KMT2C: variants seen among roughly 807,000 people sequenced by gnomAD.
The protein encoded by KMT2C is lysine methyltransferase 2C.
A neutral mutation model predicts 507.9 loss-of-function variants in KMT2C; 88 were observed. The ratio of observed to expected loss-of-function variants is 0.17; its 90% CI spans 0.15 to 0.21. KMT2C has a LOEUF of 0.21. Among genes scored for constraint, KMT2C ranks in the 10% least tolerant of loss-of-function variants. The probability of loss-of-function intolerance (pLI) is 1.00; values close to 1 mark genes in which losing one functional copy is unlikely to be tolerated. For synonymous variants in KMT2C, 2,049 were observed against 2,080.8 expected (o/e 0.98, Z 0.42); for missense variants, 4,954 against 5,957.8 (o/e 0.83, Z 5.55).
In KMT2C at chr7:152,199,375, G is replaced by A. The variant is rs780537762; in HGVS notation, c.4177C>T (p.Leu1393Phe). 5 of 1,604,450 alleles carry A rather than the reference G, an allele frequency of 3.1e-6. No homozygotes were observed. The African/African-American group carries it at 5.4e-5, about 17-fold the overall frequency. Reference sequence around the variant, plus strand: ...GTGTTCATGTTTGTTTTATATAAAAGCTGAGCTCCATCTTCTGACAGATTA... The same window carrying A: ...GTGTTCATGTTTGTTTTATATAAAAACTGAGCTCCATCTTCTGACAGATTA... ...LDNLSEDGAQ[L>F]LYKTNMNTGF... The change falls in exon 27 of 59, where the codon CTT (leucine) becomes TTT (phenylalanine). Residue 1393 changes from leucine (L) to phenylalanine (F), a missense_variant. Leu to Phe is a conservative substitution (Grantham distance 22, BLOSUM62 0). This residue lies in a region of KMT2C where 140 missense variants were observed against 118.4 expected (regional missense o/e 1.18). Transcript: ENST00000262189.
intron 2 of KMT2C, among the ~76,000 whole-genome samples, chr7:152,350,221 G>A (rs939870926): frequency 6.6e-6 from 1 of 152,140 alleles, no homozygotes. Flanking sequence ...TTGCACTCCA[G>A]CTTGGGCAAG....
intron 24 of KMT2C, 119 bp from the exon 25 acceptor site, chr7:152,205,344 T>A: frequency 2.0e-6 from 1 of 498,298 alleles, no homozygotes; most frequent in Non-Finnish European, 3.1e-6. Context: ...AAATCTGTGC[T>A]AATCTAAATC....
chr7:152,376,165 CA>C (rs2097327558), intron 1 of KMT2C, among the ~76,000 whole-genome samples: 1 of 152,190 alleles, frequency 6.6e-6, no homozygotes, highest in African/African-American at 2.4e-5. Flanking sequence ...AGATGGCTAA[CA>C]TATAATGTGT....
intron 6 of KMT2C, among the ~76,000 whole-genome samples, chr7:152,294,228 G>C (rs911412102): frequency 8.5e-5 from 13 of 152,056 alleles, no homozygotes; most frequent in African/African-American, 1.9e-4. Context: ...TAAATATCTA[G>C]GATTATCTTG....
chr7:152,152,567 A>G, intron 49 of KMT2C, 138 bp downstream of exon 49: 1 of 1,033,708 alleles, frequency 9.7e-7, no homozygotes, highest in African/African-American at 1.6e-5. Context: ...CAGAACACCC[A>G]CACATGGTAA....
At chr7:152,340,223 A>C (rs888757853) in intron 2 of KMT2C, among the ~76,000 whole-genome samples, 1 of 148,978 alleles carries the variant, frequency 6.7e-6, no homozygotes, top group African/African-American at 2.5e-5. Flanking sequence ...CCTGGGCTCC[A>C]GTTATCCTCC....
chr7:152,251,806 G>T, intron 11 of KMT2C, 133 bp downstream of exon 11: 1 of 525,246 alleles, frequency 1.9e-6, no homozygotes, highest in Non-Finnish European at 3.2e-6. Flanking sequence ...ACATTTAAAG[G>T]TTGAGAAACT....
At chr7:152,184,656 C>T (rs1025091004) in intron 34 of KMT2C, among the ~76,000 whole-genome samples, 1 of 152,224 alleles carries the variant, frequency 6.6e-6, no homozygotes, top group Non-Finnish European at 1.5e-5. Context: ...CCTCTGTATC[C>T]ATGGGGTATT....
At position 152,177,285 on chromosome 7, in the gene KMT2C, T is replaced by C. The variant is rs770301493; in HGVS notation, c.8168A>G (p.Asp2723Gly). Reference protein sequence around the residue: ...DDEDLENLNLDTEDGKVVELD... With the variant: ...DDEDLENLNLGTEDGKVVELD... ...TTCAACTACCTTGCCATCCTCTGTATCTAAATTTAAGTTTTCAAGATCTTC... is the reference window on the plus strand; with the variant it reads ...TTCAACTACCTTGCCATCCTCTGTACCTAAATTTAAGTTTTCAAGATCTTC... Residue 2723 changes from aspartate (D) to glycine (G), a missense_variant, in exon 38 of 59, where the codon GAT (aspartate) becomes GGT (glycine). This residue lies in a region of KMT2C where 1,689 missense variants were observed against 1,654.3 expected (regional missense o/e 1.02). Coordinates refer to ENST00000262189, the MANE Select transcript of KMT2C (RefSeq NM_170606.3). 1.2e-6 allele frequency: 2 copies of C among 1,614,002 alleles called. No individual in the cohort carries two copies. Among genetic ancestry groups the C allele is most frequent in the South Asian group, 1.1e-5 (1 of 91,068 alleles).
chr7:152,344,369 CAA>C (rs1439334300), intron 2 of KMT2C, among the ~76,000 whole-genome samples: 2 of 152,138 alleles, frequency 1.3e-5, no homozygotes, highest in African/African-American at 4.8e-5. Flanking sequence ...TGTGCTGGAC[CAA>C]GAGATGATTC....
chr7:152,151,073 ACAT>A (rs2091578225), intron 50 of KMT2C, 66 bp from the exon 51 acceptor site: 1 of 954,648 alleles, frequency 1.0e-6, no homozygotes, highest in South Asian at 1.5e-5. Context: ...CAGGATCTAT[ACAT>A]TATTTTTATG....
At position 152,181,953 on chromosome 7, in the gene KMT2C, T is replaced by C; in HGVS notation, c.5907A>G (p.Thr1969=). ...ATTGATCTGTCATCACAGGCCTAGG[T>C]GTGTCTGGAGGTTTTGCATAGGGGT... ...NNDPYAKPPD[T]PRPVMTDQFP... The change falls in exon 36 of 59, where the codon ACA becomes ACG. Residue 1969 remains threonine, a synonymous_variant. Coordinates refer to ENST00000262189, the MANE Select transcript of KMT2C (RefSeq NM_170606.3). 1 of 1,614,112 alleles carries C rather than the reference T, an allele frequency of 6.2e-7. No individual in the cohort carries two copies.
intron 48 of KMT2C, 104 bp downstream of exon 48, chr7:152,153,906 A>ATC (rs1455616444): frequency 4.3e-6 from 5 of 1,163,724 alleles, no homozygotes; most frequent in Non-Finnish European, 6.2e-6. Flanking sequence ...CTGACCCTTT[A>ATC]TCCTCAGTGA....
chr7:152,312,174 C>A, intron 4 of KMT2C: 1 of 332,918 alleles, frequency 3.0e-6, no homozygotes. Flanking sequence ...TCTCCAAACC[C>A]ACAGGGAAGT....
chr7:152,435,162 C>T (rs1315245334), intron 1 of KMT2C, among the ~76,000 whole-genome samples: 3 of 152,242 alleles, frequency 2.0e-5, no homozygotes, highest in Non-Finnish European at 2.9e-5. Flanking sequence ...CGCCCCCAGC[C>T]CGCGCCCCGA....
chr7:152,139,652 A>C, intron 56 of KMT2C, 23 bp downstream of exon 56: 4 of 1,483,404 alleles, frequency 2.7e-6, no homozygotes, highest in South Asian at 1.1e-5. Flanking sequence ...CTGTGTATAC[A>C]ATCTCGGGGA....
chr7:152,249,512 A>G (rs1013170478), intron 13 of KMT2C, among the ~76,000 whole-genome samples: 5 of 151,482 alleles, frequency 3.3e-5, no homozygotes, highest in Admixed American at 3.3e-4. Context: ...TTGTAGAGAC[A>G]GGGTCTCACT....
chr7:152,146,420 A>C (rs964145958), intron 53 of KMT2C, among the ~76,000 whole-genome samples, 179 bp downstream of exon 53: 3 of 152,214 alleles, frequency 2.0e-5, no homozygotes, highest in Non-Finnish European at 4.4e-5. Flanking sequence ...CTGGGTGAAT[A>C]CCAACACGGC....
chr7:152,135,817 A>G lies in KMT2C; in HGVS notation c.*1015T>C, dbSNP rs1477185080. 8.7e-6 allele frequency: 2 copies of G among 230,892 alleles called. No individual in the cohort carries two copies. Among genetic ancestry groups the G allele is most frequent in the Non-Finnish European group, 1.7e-5 (2 of 116,400 alleles). The allele number at this position is 230,892 out of a possible 1,614,324, so 14.3% of individuals were successfully genotyped here. On this transcript the variant is annotated 3_prime_UTR_variant, in exon 59 of 59. Coordinates refer to ENST00000262189, the MANE Select transcript of KMT2C (RefSeq NM_170606.3). ...CAGCTATAAAAGTTGTAGTCGTAGCATACGCCCCGCTCTGTCAGAAGTAAG... is the reference window on the plus strand; with the variant it reads ...CAGCTATAAAAGTTGTAGTCGTAGCGTACGCCCCGCTCTGTCAGAAGTAAG...
Sources: allele counts gnomAD v4.1 joint callset (sites outside exome capture counted in the v4.1 genomes callset), GRCh38; gene constraint gnomAD v4.1.1; regional missense constraint gnomAD v4.1.1; transcripts MANE v1.5; gene names NCBI Gene and HGNC (gene_info 2026-07-23, HGNC 2026-07-21).